Variants in NBEA observed in about 807,000 individuals in gnomAD.
The protein encoded by NBEA is lysosomal-trafficking regulator 2.
A neutral mutation model predicts 343.4 loss-of-function variants in NBEA; 44 were observed. That is an observed-to-expected ratio of 0.13 (90% CI 0.10 to 0.16). The LOEUF (loss-of-function observed/expected upper bound fraction) is 0.16. Among genes scored for constraint, NBEA ranks in the 10% least tolerant of loss-of-function variants. The pLI is 1.00. For missense variants in NBEA, 2,555 were observed against 3,631.3 expected, an observed-to-expected ratio of 0.70 and a Z score of 7.62; for synonymous variants, 1,175 against 1,238.7, an observed-to-expected ratio of 0.95 and a Z score of 1.08.
rs1374479810 is a variant in NBEA at position 35,118,516 on chromosome 13, G to A, written c.2243+42G>A. 16 of 1,395,232 alleles carry A rather than the reference G, an allele frequency of 1.1e-5. No individual in the cohort carries two copies. The East Asian group carries it at 4.0e-4, about 35-fold the overall frequency. The allele number at this position is 1,395,232 out of a possible 1,614,324, so 86.4% of individuals were successfully genotyped here. A position where few individuals can be genotyped will look rare whatever the true frequency, so the allele number is the denominator to read the frequency against. ...AGTATTACTATTAGACTTTAATGGA[G>A]CACAGTTGTTCCTCCTAGAATAACT... On this transcript the variant is annotated intron_variant, in intron 16 of 58. Transcript: ENST00000379939.
chr13:35,530,063 T>G (rs1220498913), intron 41 of NBEA, among the ~76,000 whole-genome samples: 1 of 152,242 alleles, frequency 6.6e-6, no homozygotes, highest in Non-Finnish European at 1.5e-5. Context: ...TCTGTGTTCA[T>G]AGTATCAAAG....
intron 38 of NBEA, among the ~76,000 whole-genome samples, chr13:35,395,106 A>T (rs2042682798): frequency 6.6e-6 from 1 of 152,162 alleles, no homozygotes; most frequent in Non-Finnish European, 1.5e-5. Flanking sequence ...TAATCAGAGA[A>T]CATACTCCAT....
rs185423845 is a variant in NBEA, at chr13:35,431,265, A to C, written c.6180-1004A>C. 2.0e-5 allele frequency among the ~76,000 whole-genome samples: 3 copies of C among 152,266 alleles called. No homozygotes were observed. In the East Asian group the frequency reaches 5.8e-4, roughly 29 times the overall value. On this transcript the variant is annotated intron_variant, in intron 38 of 58. Transcript: ENST00000379939. ...TGTTCTTCTACAGTAAAATATCAAAATAATGAAATGAAATCTTCTAGGAAA... is the reference window on the plus strand; with the variant it reads ...TGTTCTTCTACAGTAAAATATCAAACTAATGAAATGAAATCTTCTAGGAAA...
chr13:35,506,233 A>C (rs1425155055), intron 41 of NBEA, among the ~76,000 whole-genome samples: 1 of 151,876 alleles, frequency 6.6e-6, no homozygotes, highest in East Asian at 1.9e-4. Flanking sequence ...CAGCTAATAT[A>C]TATATATTTT....
rs2063027277 is a variant in NBEA, at chr13:35,050,482, A to G, written c.972+87A>G. 5.3e-6 allele frequency: 7 copies of G among 1,328,920 alleles called. No individual in the cohort carries two copies. In the Admixed American group the frequency reaches 1.8e-4, roughly 35 times the overall value. 82.3% of individuals were successfully genotyped at this position (1,328,920 alleles called of 1,614,324 possible). On this transcript the variant is annotated intron_variant, in intron 6 of 58. Transcript: ENST00000379939. ...TATGAGCTCTGTAGTATTCTCTTTC[A>G]CGGGTTTTCCTATGCTTTTAATTGT...
chr13:35,561,925 A>T (rs956397650), intron 44 of NBEA, among the ~76,000 whole-genome samples: 5 of 152,140 alleles, frequency 3.3e-5, no homozygotes, highest in Admixed American at 2.6e-4. Flanking sequence ...TTATAAATTT[A>T]ATGAATGTTC....
intron 1 of NBEA, among the ~76,000 whole-genome samples, chr13:35,004,124 T>A (rs1053284179): frequency 5.9e-5 from 9 of 152,194 alleles, no homozygotes; most frequent in Non-Finnish European, 1.5e-5. Context: ...CTTTTTATGG[T>A]TGCATTAGTA....
chr13:35,227,030 A>G (rs1012517029), intron 33 of NBEA, among the ~76,000 whole-genome samples: 2 of 152,084 alleles, frequency 1.3e-5, no homozygotes, highest in Admixed American at 1.3e-4. Context: ...AGCTTTATCT[A>G]CTTTTTTAAC....
At chr13:35,330,163 G>GT (rs1448314135) in intron 36 of NBEA, among the ~76,000 whole-genome samples, 2 of 151,886 alleles carry the variant, frequency 1.3e-5, no homozygotes, top group South Asian at 4.2e-4. Flanking sequence ...ATCTGTTTCA[G>GT]TTTTTTTTCT....
intron 48 of NBEA, among the ~76,000 whole-genome samples, chr13:35,613,511 G>A (rs530026424): frequency 6.6e-6 from 1 of 152,108 alleles, no homozygotes; most frequent in Admixed American, 6.5e-5. Flanking sequence ...CAGGGAACAT[G>A]AGAATGCAAA....
intron 31 of NBEA, among the ~76,000 whole-genome samples, chr13:35,197,433 T>C (rs2072697289): frequency 6.6e-6 from 1 of 152,182 alleles, no homozygotes; most frequent in Admixed American, 6.5e-5. Context: ...TTCTCTAAAG[T>C]AGCCAGACTG....
At chr13:35,056,584 G>A (rs2063270845) in intron 7 of NBEA, among the ~76,000 whole-genome samples, 1 of 152,080 alleles carries the variant, frequency 6.6e-6, no homozygotes, top group Admixed American at 6.6e-5. Context: ...ATTTTAGTAG[G>A]AAGAGTTGAG....
intron 41 of NBEA, among the ~76,000 whole-genome samples, chr13:35,482,885 A>G (rs550729440): frequency 6.6e-5 from 10 of 151,832 alleles, no homozygotes; most frequent in Non-Finnish European, 7.4e-5. Context: ...ATGTTTCTTC[A>G]TGCCCTGATT....
chr13:35,036,037 C>T (rs991310627), intron 1 of NBEA, among the ~76,000 whole-genome samples: 4 of 151,826 alleles, frequency 2.6e-5, no homozygotes, highest in Admixed American at 1.3e-4. Flanking sequence ...TAAGGATGTA[C>T]TCTTGCCATT....
rs74048939 is a variant in NBEA at position 35,189,912 on chromosome 13, T to G, written c.4927+5841T>G. ...TAGACCTTTATAAGAACAGCAAGAT[T>G]TAGAGTGATTTAACTCACCCTGTTG... On this transcript the variant is annotated intron_variant, in intron 30 of 58. Coordinates refer to ENST00000379939, the MANE Select transcript of NBEA (RefSeq NM_001385012.1). Among the ~76,000 whole-genome samples, 1,061 of 152,164 alleles carry G rather than the reference T, an allele frequency of 7.0e-3. 22 individuals are homozygous for G. The highest frequency in any genetic ancestry group is 0.024 in the African/African-American group (1,001 of 41,528).
chr13:35,136,952 T>C (rs2067765658), intron 17 of NBEA, among the ~76,000 whole-genome samples: 2 of 152,190 alleles, frequency 1.3e-5, no homozygotes, highest in African/African-American at 4.8e-5. Context: ...ATGAAAATAA[T>C]TTAAGTGTTT....
At chr13:34,962,784 A>G (rs1312083317) in intron 1 of NBEA, among the ~76,000 whole-genome samples, 1 of 152,046 alleles carries the variant, frequency 6.6e-6, no homozygotes, top group African/African-American at 2.4e-5. Context: ...AAGGAATTCT[A>G]CCTTTACCTG....
At chr13:35,368,439 T>A (rs181751278) in intron 38 of NBEA, among the ~76,000 whole-genome samples, 1 of 151,686 alleles carries the variant, frequency 6.6e-6, no homozygotes, top group Non-Finnish European at 1.5e-5. Context: ...CCTGTCAGAT[T>A]TGTCACTTTT....
intron 1 of NBEA, among the ~76,000 whole-genome samples, chr13:35,018,550 C>T (rs1370902654): frequency 6.6e-6 from 1 of 151,694 alleles, no homozygotes; most frequent in Non-Finnish European, 1.5e-5. Flanking sequence ...TGTTCTTTGC[C>T]AGTATAAATA....
Sources: allele counts gnomAD v4.1 joint callset (sites outside exome capture counted in the v4.1 genomes callset), GRCh38; gene constraint gnomAD v4.1.1; transcripts MANE v1.5; gene names NCBI Gene and HGNC (gene_info 2026-07-23, HGNC 2026-07-21).